TCF4: variants seen among roughly 807,000 people sequenced by gnomAD.
The protein encoded by TCF4 is SL3-3 enhancer factor 2.
In TCF4, 3 loss-of-function variants were observed where a neutral mutation model predicts 82.1. That is an observed-to-expected ratio of 0.04 (90% CI 0.02 to 0.09). The LOEUF (loss-of-function observed/expected upper bound fraction) is 0.09, where lower values mean the gene tolerates loss of function less well. TCF4 is among the 10% of genes least tolerant of loss of function. The pLI, the probability that TCF4 is intolerant of heterozygous loss-of-function variation, is 1.00. For missense variants in TCF4, 518 were observed against 852.7 expected, an observed-to-expected ratio of 0.61 and a Z score of 4.89; for synonymous variants, 276 against 309.6, an observed-to-expected ratio of 0.89 and a Z score of 1.14.
intron 2 of TCF4, among the ~76,000 whole-genome samples, chr18:55,608,485 G>C (rs928260308): frequency 6.7e-6 from 1 of 149,590 alleles, no homozygotes; most frequent in South Asian, 2.1e-4. Flanking sequence ...AGTTAAATAC[G>C]CATCTCCATT....
intron 3 of TCF4, among the ~76,000 whole-genome samples, chr18:55,467,766 C>T (rs533833579): frequency 6.6e-6 from 1 of 152,308 alleles, no homozygotes; most frequent in African/African-American, 2.4e-5. Flanking sequence ...TTTTATACCA[C>T]CATGTTTTTG....
At chr18:55,282,629 T>G (rs56927536) in intron 8 of TCF4, among the ~76,000 whole-genome samples, 9,989 of 152,154 alleles carry the variant, frequency 0.066, 449 homozygotes, top group African/African-American at 0.12. Context: ...ACACAATTGT[T>G]AAATAAAATA....
chr18:55,546,151 C>T (rs1325628500), intron 3 of TCF4, among the ~76,000 whole-genome samples: 1 of 152,030 alleles, frequency 6.6e-6, no homozygotes, highest in African/African-American at 2.4e-5. Flanking sequence ...GCCTCCGTAA[C>T]AAAGTGAGAC....
chr18:55,432,895 T>C (rs567640563), intron 5 of TCF4, among the ~76,000 whole-genome samples: 22 of 152,324 alleles, frequency 1.4e-4, no homozygotes, highest in Non-Finnish European at 2.8e-4. Context: ...CTCATCAGCC[T>C]CACTTATCAC....
chr18:55,358,545 T>G (rs904567675), intron 6 of TCF4, among the ~76,000 whole-genome samples: 3 of 152,088 alleles, frequency 2.0e-5, no homozygotes, highest in Admixed American at 6.5e-5. Flanking sequence ...ACATTCAGAG[T>G]GGTTATGTGA....
Position 55,245,558 on chromosome 18 carries a change from A to G in TCF4, c.1350+8939T>C, listed in dbSNP as rs2052801030. Among the ~76,000 whole-genome samples the G allele has an allele frequency of 3.3e-5, 5 of 152,148 alleles. No homozygotes were observed. The South Asian group carries it at 1.0e-3, about 32-fold the overall frequency. The stretch of plus-strand genomic sequence containing the variant: ...CTGCCGTGCTGTGGAGGGGCTTTTC[A>G]CCCAATGCAGCCCTGGCTGGCAAGC... On this transcript the variant is annotated intron_variant, in intron 15 of 19. Coordinates refer to ENST00000354452, the MANE Select transcript of TCF4 (RefSeq NM_001083962.2).
Position 55,538,026 on chromosome 18 carries a change from G to GCGCACA in TCF4, c.145+47253_145+47254insTGTGCG, listed in dbSNP as rs1277287061. Among the ~76,000 whole-genome samples, 1,091 of 131,554 alleles carry GCGCACA rather than the reference G, an allele frequency of 8.3e-3. 5 individuals are homozygous for GCGCACA. Among genetic ancestry groups the GCGCACA allele is most frequent in the East Asian group, 0.028 (122 of 4,394 alleles). 86.3% of individuals were successfully genotyped at this position (131,554 alleles called of 152,430 possible). A position where few individuals can be genotyped will look rare whatever the true frequency, so the allele number is the denominator to read the frequency against. ...CTGGATTTTGCTAGTCTGCGCGCGCGCACACACACACACACACACACACAC... is the reference window on the plus strand; with the variant it reads ...CTGGATTTTGCTAGTCTGCGCGCGCGCGCACACACACACACACACACACACACACAC... On this transcript the variant is annotated intron_variant, in intron 3 of 19. Transcript: ENST00000354452.
At chr18:55,254,846 A>C in intron 14 of TCF4, 146 bp from the exon 15 acceptor site, 2 of 792,280 alleles carry the variant, frequency 2.5e-6, no homozygotes, top group South Asian at 3.1e-5. Flanking sequence ...CAATAATACA[A>C]ATAGTGTTGT....
At chr18:55,287,336 G>A (rs184053028) in intron 8 of TCF4, among the ~76,000 whole-genome samples, 8 of 152,126 alleles carry the variant, frequency 5.3e-5, no homozygotes, top group African/African-American at 1.9e-4. Context: ...TAATTTTCCC[G>A]GCTTCTAAAT....
chr18:55,363,370 TA>T (rs1426064365), intron 6 of TCF4, among the ~76,000 whole-genome samples: 1 of 152,178 alleles, frequency 6.6e-6, no homozygotes, highest in African/African-American at 2.4e-5. Context: ...CATACTAAAA[TA>T]TGTTTAAATG....
intron 15 of TCF4, among the ~76,000 whole-genome samples, chr18:55,253,752 T>C (rs2055966903): frequency 6.6e-6 from 1 of 152,204 alleles, no homozygotes; most frequent in Admixed American, 6.6e-5. Flanking sequence ...AGACTCAGAA[T>C]TGACAGACAC....
rs575733728 is a variant in TCF4, at chr18:55,356,483, A to T, written c.370-5480T>A. Among the ~76,000 whole-genome samples the T allele has an allele frequency of 3.9e-5, 6 of 152,280 alleles. No homozygotes were observed. In the East Asian group the frequency reaches 1.2e-3, roughly 29 times the overall value. ...CAAGGATGAGTTCAGTGGCTCCTTT[A>T]ATTTTGCTTTTGCACGCATGAGCAA... is the stretch of plus-strand genomic sequence containing the variant. On this transcript the variant is annotated intron_variant, in intron 6 of 19. Coordinates refer to ENST00000354452, the MANE Select transcript of TCF4 (RefSeq NM_001083962.2).
chr18:55,594,199 A>G (rs937750809), intron 2 of TCF4, among the ~76,000 whole-genome samples: 2 of 152,184 alleles, frequency 1.3e-5, no homozygotes, highest in Admixed American at 6.5e-5. Flanking sequence ...CCTGTCATCC[A>G]TCCTTCTGGT....
intron 6 of TCF4, among the ~76,000 whole-genome samples, chr18:55,361,668 T>C (rs1364884139): frequency 6.6e-6 from 1 of 152,172 alleles, no homozygotes; most frequent in Non-Finnish European, 1.5e-5. Context: ...GGCCACTCCC[T>C]ATCACAAGGC....
chr18:55,463,975 TGTGA>T (rs1209201761), intron 4 of TCF4, 97 bp downstream of exon 4: 320 of 234,474 alleles, frequency 1.4e-3, no homozygotes, highest in African/African-American at 3.3e-3. Flanking sequence ...TGTGTGTGTG[TGTGA>T]GAGAGAGAGA....
intron 3 of TCF4, among the ~76,000 whole-genome samples, chr18:55,489,029 G>T (rs1387377277): frequency 6.6e-6 from 1 of 152,254 alleles, no homozygotes; most frequent in East Asian, 1.9e-4. Context: ...TCCCAAGAGT[G>T]TGGTTGGGGA....
chr18:55,489,945 C>T (rs1034950030), intron 3 of TCF4, among the ~76,000 whole-genome samples: 13 of 152,186 alleles, frequency 8.5e-5, no homozygotes, highest in South Asian at 4.1e-4. Flanking sequence ...TGGTTCTGAG[C>T]ATTATTTGAG....
At chr18:55,350,247 G>T in intron 8 of TCF4, 112 bp downstream of exon 8, 1 of 1,140,158 alleles carries the variant, frequency 8.8e-7, no homozygotes, top group Non-Finnish European at 1.3e-6. Context: ...CCACCTTCTA[G>T]ATAAACGTGC....
intron 5 of TCF4, among the ~76,000 whole-genome samples, chr18:55,442,359 A>G (rs895229199): frequency 6.6e-6 from 1 of 152,198 alleles, no homozygotes; most frequent in Non-Finnish European, 1.5e-5. Flanking sequence ...TCTACAGAAA[A>G]CCACTAAGCT....
Sources: gnomAD v4.1 joint callset for allele counts (sites outside exome capture counted in the v4.1 genomes callset) on GRCh38, gnomAD v4.1.1 for gene constraint, MANE v1.5 for transcripts, NCBI Gene and HGNC (gene_info 2026-07-23, HGNC 2026-07-21) for gene names.